GAS2: variants seen among roughly 807,000 people sequenced by gnomAD.
GAS2 encodes growth arrest specific 2.
GAS2 carries 20 observed loss-of-function variants against 37.5 expected under a neutral mutation model. The observed-to-expected ratio is 0.53, with a 90% confidence interval of 0.37 to 0.77. The LOEUF (loss-of-function observed/expected upper bound fraction) is 0.77, where lower values mean the gene tolerates loss of function less well. Among genes scored for constraint, GAS2 ranks in the 30% least tolerant of loss-of-function variants. The probability of loss-of-function intolerance (pLI) is 0.00; values close to 1 mark genes in which losing one functional copy is unlikely to be tolerated. For missense variants in GAS2, 336 were observed against 373.4 expected (o/e 0.90, Z 0.82); for synonymous variants, 144 against 132.2 (o/e 1.09, Z -0.61).
chr11:22,653,156 G>C (rs1489721786), intron 1 of GAS2, among the ~76,000 whole-genome samples: 1 of 145,734 alleles, frequency 6.9e-6, no homozygotes, highest in Non-Finnish European at 1.5e-5. Context: ...CTCTCCTCCT[G>C]CTTTTTCTTC....
chr11:22,654,394 T>C (rs571135322), intron 1 of GAS2, among the ~76,000 whole-genome samples: 2 of 151,800 alleles, frequency 1.3e-5, no homozygotes, highest in East Asian at 3.9e-4. Context: ...TCTTCCTTCT[T>C]TCCTTCTTTT....
In GAS2 at chr11:22,811,827, T is replaced by C; in HGVS notation, c.753T>C (p.Arg251=). ...RMLHNKHVMV[R]VGGGWETFAG... is the part of the protein sequence containing the mutation. ...TGCACAACAAACATGTCATGGTCCGTGTGGGAGGAGGCTGGGAAACTTTTG... is the reference window on the plus strand; with the variant it reads ...TGCACAACAAACATGTCATGGTCCGCGTGGGAGGAGGCTGGGAAACTTTTG... Residue 251 remains arginine (R), a synonymous_variant, in exon 8 of 8, where the codon CGT becomes CGC. Transcript: ENST00000454584. The C allele has an allele frequency of 6.2e-7, 1 of 1,614,128 alleles. No homozygotes were observed. The highest frequency in any genetic ancestry group is 8.5e-7 in the Non-Finnish European group (1 of 1,179,988).
At position 22,679,634 on chromosome 11, in the gene GAS2, A is replaced by G. The variant is rs187404132; in HGVS notation, c.145+4620A>G. ...AGCGTTCTCAAATTGTCTATTTCAC[A>G]TGTATTTTTAATTTAAAATGATGGC... On this transcript the variant is annotated intron_variant, in intron 2 of 7. Coordinates refer to ENST00000454584, the MANE Select transcript of GAS2 (RefSeq NM_001143830.3). Among the ~76,000 whole-genome samples the G allele has an allele frequency of 3.5e-3, 527 of 152,216 alleles. 3 individuals carry two copies. The highest frequency in any genetic ancestry group is 0.012 in the African/African-American group (506 of 41,574).
chr11:22,738,497 G>A (rs1383414336), intron 5 of GAS2, among the ~76,000 whole-genome samples: 1 of 152,164 alleles, frequency 6.6e-6, no homozygotes, highest in African/African-American at 2.4e-5. Flanking sequence ...AAGAAATGAA[G>A]ATACAAATGT....
chr11:22,697,336 G>T (rs1439935773), intron 3 of GAS2, among the ~76,000 whole-genome samples: 7 of 152,060 alleles, frequency 4.6e-5, no homozygotes, highest in Non-Finnish European at 1.0e-4. Context: ...ATGCTGTTTT[G>T]GTTACTGTAG....
intron 7 of GAS2, among the ~76,000 whole-genome samples, chr11:22,756,410 G>A (rs977331417): frequency 6.6e-6 from 1 of 152,068 alleles, no homozygotes; most frequent in African/African-American, 2.4e-5. Flanking sequence ...AGGAACAGAG[G>A]TTGTGATGTT....
At chr11:22,664,312 G>A (rs1848950290), upstream of GAS2, among the ~76,000 whole-genome samples, 1 of 115,920 alleles carries the variant, frequency 8.6e-6, no homozygotes, top group South Asian at 3.6e-4. Context: ...GAAAAGGAGA[G>A]TTATCTACAT....
intron 5 of GAS2, among the ~76,000 whole-genome samples, chr11:22,743,367 C>T (rs1229108409): frequency 6.6e-6 from 1 of 152,080 alleles, no homozygotes; most frequent in African/African-American, 2.4e-5. Context: ...GATTGTACAA[C>T]ACTTAATTTG....
At chr11:22,766,889 G>A (rs1469179132) in intron 7 of GAS2, among the ~76,000 whole-genome samples, 1 of 152,058 alleles carries the variant, frequency 6.6e-6, no homozygotes, top group Non-Finnish European at 1.5e-5. Context: ...GCATGCTATG[G>A]TATGGCAGAG....
intron 3 of GAS2, among the ~76,000 whole-genome samples, chr11:22,724,602 T>A (rs1207338427): frequency 6.6e-6 from 1 of 152,062 alleles, no homozygotes; most frequent in Non-Finnish European, 1.5e-5. Flanking sequence ...TTGAAAACCA[T>A]TACTTGATAT....
intron 3 of GAS2, among the ~76,000 whole-genome samples, chr11:22,717,923 A>T (rs1203525418): frequency 6.6e-6 from 1 of 152,116 alleles, no homozygotes; most frequent in East Asian, 1.9e-4. Flanking sequence ...ACAATGTGAT[A>T]CCACCTTCTG....
chr11:22,668,615 T>A (rs1849082342), intron 1 of GAS2, among the ~76,000 whole-genome samples: 1 of 152,222 alleles, frequency 6.6e-6, no homozygotes, highest in African/African-American at 2.4e-5. Flanking sequence ...AGCATCTTGG[T>A]TAGAAACTTC....
chr11:22,691,692 A>G (rs1218869864), intron 3 of GAS2, among the ~76,000 whole-genome samples: 1 of 152,190 alleles, frequency 6.6e-6, no homozygotes, highest in African/African-American at 2.4e-5. Context: ...AGAAAGAAAT[A>G]ATTTTTTTAT....
At chr11:22,723,891 AT>A (rs538356028) in intron 3 of GAS2, among the ~76,000 whole-genome samples, 4 of 151,078 alleles carry the variant, frequency 2.6e-5, no homozygotes, top group Admixed American at 1.3e-4. Context: ...TACTACTTTG[AT>A]TTTTTTTTAA....
At chr11:22,649,063 T>G (rs1442858352) in intron 1 of GAS2, among the ~76,000 whole-genome samples, 2 of 152,356 alleles carry the variant, frequency 1.3e-5, no homozygotes, top group African/African-American at 4.8e-5. Flanking sequence ...TTGTCACAGA[T>G]AGCTCCTATT....
intron 3 of GAS2, among the ~76,000 whole-genome samples, chr11:22,700,168 T>G (rs1850757406): frequency 6.6e-6 from 1 of 152,152 alleles, no homozygotes; most frequent in African/African-American, 2.4e-5. Flanking sequence ...CTTGAGTACA[T>G]AGTTTATGTT....
chr11:22,730,984 G>T (rs1852445088), intron 4 of GAS2, among the ~76,000 whole-genome samples: 1 of 151,750 alleles, frequency 6.6e-6, no homozygotes, highest in African/African-American at 2.4e-5. Context: ...ATTAAGATCA[G>T]AAATCTATAC....
intron 6 of GAS2, among the ~76,000 whole-genome samples, chr11:22,750,852 A>AT (rs772056057): frequency 6.0e-5 from 9 of 150,570 alleles, no homozygotes; most frequent in African/African-American, 1.9e-4. Context: ...ACCTTCATTC[A>AT]TTTTTTTTTA....
In GAS2 at chr11:22,812,896, T is replaced by A. The variant is rs1857253384; in HGVS notation, c.*880T>A. 6.6e-6 allele frequency: 1 copy of A among 152,630 alleles called. No homozygotes were observed. The highest frequency in any genetic ancestry group is 1.5e-5 in the Non-Finnish European group (1 of 68,030). The allele number at this position is 152,630 out of a possible 1,614,324, so 9.5% of individuals were successfully genotyped here. On this transcript the variant is annotated 3_prime_UTR_variant, in exon 8 of 8. Transcript: ENST00000454584. Reference sequence around the variant, plus strand: ...ACTGTAGCTAATGATGTTACAGACTTACGTATACCCTTGTATACCTGGGAC... The same window carrying A: ...ACTGTAGCTAATGATGTTACAGACTAACGTATACCCTTGTATACCTGGGAC...
Sources: gnomAD v4.1 joint callset for allele counts (sites outside exome capture counted in the v4.1 genomes callset) on GRCh38, gnomAD v4.1.1 for gene constraint, MANE v1.5 for transcripts, NCBI Gene and HGNC (gene_info 2026-07-23, HGNC 2026-07-21) for gene names.